The following PHLPP2 variants were observed in gnomAD, a reference collection of about 807,000 sequenced individuals.
PHLPP2 encodes PH domain leucine-rich repeat-containing protein phosphatase 2.
In PHLPP2, 66 loss-of-function variants were observed where a neutral mutation model predicts 124.9. The ratio of observed to expected loss-of-function variants is 0.53; its 90% CI spans 0.43 to 0.65. The LOEUF (loss-of-function observed/expected upper bound fraction) is 0.65. Ranked by LOEUF, PHLPP2 falls within the 30% of genes least tolerant of loss-of-function variation. The probability of loss-of-function intolerance (pLI) is 0.00; values close to 1 mark genes in which losing one functional copy is unlikely to be tolerated. For missense variants in PHLPP2, 1,685 were observed against 1,600.4 expected, an observed-to-expected ratio of 1.05 and a Z score of -0.90; for synonymous variants, 681 against 624.7, an observed-to-expected ratio of 1.09 and a Z score of -1.34.
chr16:71,702,295 T>G (rs2045239776), intron 3 of PHLPP2, among the ~76,000 whole-genome samples: 1 of 152,136 alleles, frequency 6.6e-6, no homozygotes, highest in Admixed American at 6.6e-5. Flanking sequence ...ACCAGGAGCT[T>G]GAAAAAATAA....
intron 2 of PHLPP2, among the ~76,000 whole-genome samples, chr16:71,705,963 A>G (rs2045271007): frequency 6.6e-6 from 1 of 152,270 alleles, no homozygotes. Context: ...TGGGGAGGGA[A>G]ATGCTATAAT....
At chr16:71,708,376 T>C (rs892343216) in intron 2 of PHLPP2, among the ~76,000 whole-genome samples, 3 of 152,144 alleles carry the variant, frequency 2.0e-5, no homozygotes, top group East Asian at 1.9e-4. Flanking sequence ...ACTGAGCATC[T>C]TGTAACCCCC....
intron 5 of PHLPP2, among the ~76,000 whole-genome samples, chr16:71,683,504 C>T (rs2045023466): frequency 6.6e-6 from 1 of 152,202 alleles, no homozygotes; most frequent in African/African-American, 2.4e-5. Context: ...CTATCACTGA[C>T]TATTACGGTT....
In PHLPP2 at chr16:71,679,459, T is replaced by G. The variant is rs1236797397; in HGVS notation, c.967A>C (p.Thr323Pro). The G allele has an allele frequency of 5.6e-6, 9 of 1,613,380 alleles. No individual in the cohort carries two copies. The South Asian group carries it at 9.9e-5, about 18-fold the overall frequency. The stretch of plus-strand genomic sequence containing the variant: ...CAGGAAAGGTTGAGCTCAGTCAGGG[T>G]AGAGATCTCGCATAACAATATAGGA... ...LFPILLCEIS[T>P]LTELNLSCNG... Residue 323 changes from threonine to proline, a missense_variant, in exon 7 of 19, where the codon ACC becomes CCC. By Grantham distance (38) the Thr-to-Pro change is conservative. Transcript: ENST00000568954.
At chr16:71,693,351 CCTT>C (rs1482441741) in intron 3 of PHLPP2, among the ~76,000 whole-genome samples, 2 of 152,136 alleles carry the variant, frequency 1.3e-5, no homozygotes, top group Non-Finnish European at 2.9e-5. Context: ...AGCAGCAGCT[CCTT>C]CTCACAACTC....
chr16:71,672,927 C>T (rs2145329654), intron 9 of PHLPP2, among the ~76,000 whole-genome samples: 1 of 152,314 alleles, frequency 6.6e-6, no homozygotes, highest in Admixed American at 6.5e-5. Flanking sequence ...ATAATTATTT[C>T]TGCCTATCTA....
intron 1 of PHLPP2, among the ~76,000 whole-genome samples, chr16:71,715,889 G>C (rs1451861353): frequency 6.6e-6 from 1 of 150,854 alleles, no homozygotes; most frequent in Admixed American, 6.6e-5. Context: ...CCAGCTACTT[G>C]GGAGGCTGAG....
At chr16:71,718,414 C>G (rs1041078283) in intron 1 of PHLPP2, among the ~76,000 whole-genome samples, 6 of 150,242 alleles carry the variant, frequency 4.0e-5, no homozygotes, top group Middle Eastern at 3.6e-3. Flanking sequence ...CCCGTCTCTA[C>G]TAAAAATACA....
chr16:71,680,245 G>A (rs1173684049), intron 6 of PHLPP2, among the ~76,000 whole-genome samples: 1 of 152,090 alleles, frequency 6.6e-6, no homozygotes, highest in African/African-American at 2.4e-5. Context: ...CTCATAGACA[G>A]AGCAATAGCT....
chr16:71,670,221 C>G (rs190782890), intron 10 of PHLPP2, among the ~76,000 whole-genome samples: 1 of 152,112 alleles, frequency 6.6e-6, no homozygotes, highest in Non-Finnish European at 1.5e-5. Flanking sequence ...CTGGAGCACC[C>G]GGAGGAGACG....
chr16:71,679,308 C>G, intron 7 of PHLPP2, 81 bp downstream of exon 7: 1 of 1,277,312 alleles, frequency 7.8e-7, no homozygotes, highest in Middle Eastern at 1.9e-4. Context: ...TGCAAGAGTT[C>G]AAGATACTAC....
intron 2 of PHLPP2, among the ~76,000 whole-genome samples, chr16:71,708,006 C>T (rs940723802): frequency 2.6e-5 from 4 of 152,274 alleles, no homozygotes; most frequent in Admixed American, 6.5e-5. Flanking sequence ...CCCTGTAATA[C>T]GAGCACTTTG....
chr16:71,691,318 G>A (rs200345272), intron 3 of PHLPP2, among the ~76,000 whole-genome samples: 17 of 151,998 alleles, frequency 1.1e-4, no homozygotes, highest in East Asian at 1.9e-4. Flanking sequence ...AAAATTAGCC[G>A]GGCATGGTGG....
intron 16 of PHLPP2, among the ~76,000 whole-genome samples, chr16:71,655,848 C>T (rs897557195): frequency 7.2e-5 from 11 of 152,072 alleles, no homozygotes; most frequent in Non-Finnish European, 1.2e-4. Flanking sequence ...ACTAGCAAAT[C>T]GTAATCTACA....
intron 8 of PHLPP2, chr16:71,676,984 T>C (rs976121619): frequency 3.3e-5 from 9 of 276,204 alleles, no homozygotes; most frequent in Non-Finnish European, 5.6e-5. Context: ...CCTCAGATGA[T>C]CTGCCTGCCT....
At chr16:71,658,600 C>T (rs1161408789) in intron 14 of PHLPP2, 53 bp downstream of exon 14, 1 of 1,530,296 alleles carries the variant, frequency 6.5e-7, no homozygotes, top group South Asian at 1.2e-5. Context: ...TAATGTCATT[C>T]ACTCTCCTGC....
chr16:71,672,976 T>C (rs761878951), intron 9 of PHLPP2, among the ~76,000 whole-genome samples: 1 of 152,276 alleles, frequency 6.6e-6, no homozygotes, highest in Non-Finnish European at 1.5e-5. Context: ...TTTACTTGTC[T>C]GGCTTCATTC....
chr16:71,719,422 C>A lies in PHLPP2; in HGVS notation c.-6-4621G>T, dbSNP rs147607104. On this transcript the variant is annotated intron_variant, in intron 1 of 18. Coordinates refer to ENST00000568954, the MANE Select transcript of PHLPP2 (RefSeq NM_015020.3). ...GGGTGGTGGCACGCATGCCTGTAAT[C>A]CCAGCTACCCTGGAGGCTGAGGCAT... Among the ~76,000 whole-genome samples, 1,010 of 152,268 alleles carry A rather than the reference C, an allele frequency of 6.6e-3. 15 individuals are homozygous for A. The highest frequency in any genetic ancestry group is 0.022 in the African/African-American group (900 of 41,556).
At chr16:71,654,583 C>A (rs1003322168) in intron 17 of PHLPP2, among the ~76,000 whole-genome samples, 2 of 152,186 alleles carry the variant, frequency 1.3e-5, no homozygotes, top group African/African-American at 4.8e-5. Flanking sequence ...TGCCCTGTGT[C>A]ACCACATGAT....
Sources: gnomAD v4.1 joint callset for allele counts (sites outside exome capture counted in the v4.1 genomes callset) on GRCh38, gnomAD v4.1.1 for gene constraint, MANE v1.5 for transcripts, NCBI Gene and HGNC (gene_info 2026-07-23, HGNC 2026-07-21) for gene names.